NTMT1: variants seen among roughly 807,000 people sequenced by gnomAD.
NTMT1 encodes the protein N-terminal RCC1 methyltransferase.
Under a neutral mutation model 17.5 loss-of-function variants are expected in NTMT1, and 8 were observed. The observed-to-expected ratio is 0.46, with a 90% CI of 0.27 to 0.82. The LOEUF (loss-of-function observed/expected upper bound fraction) is 0.82. Among genes scored for constraint, NTMT1 ranks in the 40% least tolerant of loss-of-function variants. The pLI is 0.15. For missense variants in NTMT1, 221 were observed against 303.5 expected (o/e 0.73, Z 2.02); for synonymous variants, 128 against 126.8 (o/e 1.01, Z -0.06).
upstream of NTMT1, among the ~76,000 whole-genome samples, chr9:129,622,391 G>C (rs1213363943): frequency 6.6e-6 from 1 of 152,148 alleles, no homozygotes; most frequent in Admixed American, 6.5e-5. Flanking sequence ...TACTTGGGAG[G>C]CTGAGACAGG....
chr9:129,616,917 C>CA (rs1162255198), intron 1 of NTMT1, among the ~76,000 whole-genome samples: 1 of 152,016 alleles, frequency 6.6e-6, no homozygotes, highest in Non-Finnish European at 1.5e-5. Flanking sequence ...ACCAAAAATA[C>CA]AAAAAAATTA....
chr9:129,612,980 G>A, intron 1 of NTMT1: 1 of 1,225,384 alleles, frequency 8.2e-7, no homozygotes, highest in Non-Finnish European at 1.1e-6. Context: ...AGCCCCCACG[G>A]TGACTTGGCT....
At chr9:129,629,388 C>CATT (rs1436226856) in intron 1 of NTMT1, among the ~76,000 whole-genome samples, 1 of 20,172 alleles carries the variant, frequency 5.0e-5, no homozygotes, top group African/African-American at 1.5e-4. Flanking sequence ...AAGAAGAATT[C>CATT]ATTCTTCTTC....
At chr9:129,633,001 G>A (rs775827392) in intron 2 of NTMT1, 136 bp downstream of exon 2, 34 of 1,001,134 alleles carry the variant, frequency 3.4e-5, no homozygotes, top group Non-Finnish European at 4.7e-5. Context: ...CCAAAGCCTT[G>A]AGGAGCTGGG....
rs1015054426 is a variant in NTMT1, at chr9:129,626,711, G to A, written c.-55+416G>A. Among the ~76,000 whole-genome samples, 7 of 152,346 alleles carry A rather than the reference G, an allele frequency of 4.6e-5. No homozygotes were observed. In the East Asian group the frequency reaches 1.4e-3, roughly 29 times the overall value. On this transcript the variant is annotated intron_variant, in intron 1 of 3. Transcript: ENST00000372483. Reference sequence around the variant, plus strand: ...CAGAGCCTGGCACAGTTAAGTGCCCGCTGCACAGAAGTTGCTGTCGTATTT... The same window carrying A: ...CAGAGCCTGGCACAGTTAAGTGCCCACTGCACAGAAGTTGCTGTCGTATTT...
chr9:129,623,101 A>C (rs1176533525), upstream of NTMT1, among the ~76,000 whole-genome samples: 2 of 151,932 alleles, frequency 1.3e-5, no homozygotes, highest in Non-Finnish European at 2.9e-5. Flanking sequence ...TGAGAGGACA[A>C]GGCGGGTGGA....
At position 129,613,453 on chromosome 9, in the gene NTMT1, C is replaced by T; in HGVS notation, c.-55+4275C>T. On this transcript the variant is annotated intron_variant, in intron 1 of 3. Coordinates refer to the NTMT1 transcript ENST00000372486. The surrounding 1 kb of genome is among the most constrained non-coding windows in gnomAD (Gnocchi z 6.2). Reference sequence around the variant, plus strand: ...GCCTCACAGGCCAGCGCAGTCCCAACACGAGGAGCTGGCCAGGGTCTCCTC... The same window carrying T: ...GCCTCACAGGCCAGCGCAGTCCCAATACGAGGAGCTGGCCAGGGTCTCCTC... The T allele has an allele frequency of 6.2e-7, 1 of 1,614,040 alleles. No homozygotes were observed. Among genetic ancestry groups the T allele is most frequent in the Non-Finnish European group, 8.5e-7 (1 of 1,180,036 alleles).
In NTMT1 at chr9:129,635,380, T is replaced by C; in HGVS notation, c.588T>C (p.Ser196=). 1 of 1,613,692 alleles carries C rather than the reference T, an allele frequency of 6.2e-7. No individual in the cohort carries two copies. The highest frequency in any genetic ancestry group is 8.5e-7 in the Non-Finnish European group (1 of 1,180,000). ...DLDVVRRIIC[S]AGLSLLAEER... ...ACGTGGTCCGCAGGATCATCTGCAG[T>C]GCAGGCCTCAGCCTCCTGGCCGAGG... is the stretch of plus-strand genomic sequence containing the variant. The change falls in exon 4 of 4, where the codon AGT becomes AGC. Residue 196 remains serine (S), a synonymous_variant. Transcript: ENST00000372483.
At chr9:129,612,249 G>T (rs1161735051) in intron 1 of NTMT1, 4 of 1,019,874 alleles carry the variant, frequency 3.9e-6, no homozygotes, top group Non-Finnish European at 5.9e-6. Flanking sequence ...CTACTGGCAG[G>T]TCCCAGCCAC....
chr9:129,634,943 A>G (rs1215203243), intron 3 of NTMT1: 2 of 480,012 alleles, frequency 4.2e-6, no homozygotes, highest in East Asian at 7.6e-5. Context: ...CATGGTGTGT[A>G]GGTATCAGGC....
At chr9:129,619,438 T>C in intron 1 of NTMT1, 1 of 989,798 alleles carries the variant, frequency 1.0e-6, no homozygotes, top group African/African-American at 1.6e-5. Context: ...AATGAATACA[T>C]TCATGGGCGA....
In NTMT1 at chr9:129,635,748, G is replaced by A. The variant is rs886378409; in HGVS notation, c.*284G>A. 2 of 380,544 alleles carry A rather than the reference G, an allele frequency of 5.3e-6. No individual in the cohort carries two copies. The highest frequency in any genetic ancestry group is 4.8e-6 in the Non-Finnish European group (1 of 208,668). 23.6% of individuals were successfully genotyped at this position (380,544 alleles called of 1,614,324 possible). ...AGGGCTCCTGGTGCTCCCCATGTGG[G>A]AATAGGGTGGCCACATCAGTAACCG... On this transcript the variant is annotated 3_prime_UTR_variant, in exon 4 of 4. Transcript: ENST00000372483.
At position 129,635,569 on chromosome 9, in the gene NTMT1, C is replaced by T. The variant is rs1831504511; in HGVS notation, c.*105C>T. The T allele has an allele frequency of 1.5e-6, 2 of 1,330,396 alleles. No individual in the cohort carries two copies. The highest frequency in any genetic ancestry group is 2.1e-6 in the Non-Finnish European group (2 of 968,428). The allele number at this position is 1,330,396 out of a possible 1,614,324, so 82.4% of individuals were successfully genotyped here. On this transcript the variant is annotated 3_prime_UTR_variant, in exon 4 of 4. Transcript: ENST00000372483. ...CTGGCGGTTCGTGAGTGTCGAGGCACCACTAAATATAGCTGTCTGCCGTCC... is the reference window on the plus strand; with the variant it reads ...CTGGCGGTTCGTGAGTGTCGAGGCATCACTAAATATAGCTGTCTGCCGTCC...
At chr9:129,634,758 G>C (rs548180861) in intron 3 of NTMT1, 29 of 222,206 alleles carry the variant, frequency 1.3e-4, no homozygotes, top group Non-Finnish European at 1.9e-4. Context: ...ACCTCCTGAG[G>C]CGGGCAGCAC....
rs1235392341 is a variant in NTMT1 at position 129,632,096 on chromosome 9, G to C, written c.-54-554G>C. Among the ~76,000 whole-genome samples the C allele has an allele frequency of 2.7e-5, 4 of 148,586 alleles. No homozygotes were observed. The East Asian group carries it at 8.7e-4, about 32-fold the overall frequency. ...GGCTTTGCGGTCGTTTCTCTTTATT[G>C]ATCAGGGTTTTCTGTGCCCTGAAGC... On this transcript the variant is annotated intron_variant, in intron 1 of 3. Transcript: ENST00000372483.
chr9:129,620,038 C>A lies in NTMT1; in HGVS notation c.-55+10860C>A. 2 of 1,454,250 alleles carry A rather than the reference C, an allele frequency of 1.4e-6. No homozygotes were observed. The allele number at this position is 1,454,250 out of a possible 1,614,324, so 90.1% of individuals were successfully genotyped here. A position where few individuals can be genotyped will look rare whatever the true frequency, so the allele number is the denominator to read the frequency against. ...CACCCCCCACCGGAAATGACTCGGGCCCGCCCCCCGGGCCCCGCGGGGCCT... is the reference window on the plus strand; with the variant it reads ...CACCCCCCACCGGAAATGACTCGGGACCGCCCCCCGGGCCCCGCGGGGCCT... On this transcript the variant is annotated intron_variant, in intron 1 of 3. Coordinates refer to the NTMT1 transcript ENST00000372486. The surrounding 1 kb of genome is among the most constrained non-coding windows in gnomAD (Gnocchi z 5.8).
At chr9:129,626,116 A>T (rs1442417303), upstream of NTMT1, 2 of 152,160 alleles carry the variant, frequency 1.3e-5, no homozygotes, top group African/African-American at 4.8e-5. Flanking sequence ...GGAGCCAGCC[A>T]TGGGCCCGCC....
chr9:129,610,601 G>A (rs1175916251), intron 1 of NTMT1, among the ~76,000 whole-genome samples: 1 of 151,952 alleles, frequency 6.6e-6, no homozygotes, highest in Non-Finnish European at 1.5e-5. Context: ...CGGAGGCGGA[G>A]GCGGGCGGGC....
chr9:129,623,249 C>T (rs894955105), upstream of NTMT1, among the ~76,000 whole-genome samples: 8 of 151,420 alleles, frequency 5.3e-5, no homozygotes, highest in African/African-American at 1.9e-4. Context: ...AGGAGAATGG[C>T]GTGAACCCAG....
Sources: allele counts gnomAD v4.1 joint callset (sites outside exome capture counted in the v4.1 genomes callset), GRCh38; gene constraint gnomAD v4.1.1; non-coding constraint Gnocchi (gnomAD v3.1); transcripts MANE v1.5; gene names NCBI Gene and HGNC (gene_info 2026-07-23, HGNC 2026-07-21).